BEND3: variants seen among roughly 807,000 people sequenced by gnomAD.
The protein encoded by BEND3 is BEN domain-containing protein 3.
A neutral mutation model predicts 60.1 loss-of-function variants in BEND3; 13 were observed. The observed-to-expected ratio is 0.22, with a 90% CI of 0.14 to 0.34. The LOEUF (loss-of-function observed/expected upper bound fraction) is 0.34. Ranked by LOEUF, BEND3 falls within the 10% of genes least tolerant of loss-of-function variation. BEND3 has a pLI of 1.00. For missense variants in BEND3, 896 were observed against 1,138.1 expected (o/e 0.79, Z 3.06); for synonymous variants, 497 against 491.5 (o/e 1.01, Z -0.15).
chr6:107,114,477 C>T (rs1326243217), intron 1 of BEND3: 3 of 151,656 alleles, frequency 2.0e-5, no homozygotes, highest in Admixed American at 6.6e-5. Context: ...GGCCTCGCTC[C>T]ATTTGCAGCC....
At chr6:107,112,420 T>G (rs893779700) in intron 1 of BEND3, among the ~76,000 whole-genome samples, 1 of 152,192 alleles carries the variant, frequency 6.6e-6, no homozygotes, top group Non-Finnish European at 1.5e-5. Context: ...AATAGATTGT[T>G]GGGATGCTGA....
chr6:107,115,213 G>C lies in BEND3; in HGVS notation c.-135C>G, dbSNP rs1414400346. 2.7e-5 allele frequency: 4 copies of C among 150,360 alleles called. No homozygotes were observed. The East Asian group carries it at 5.9e-4, about 22-fold the overall frequency. The allele number at this position is 150,360 out of a possible 1,614,324, so 9.3% of individuals were successfully genotyped here. A position where few individuals can be genotyped will look rare whatever the true frequency, so the allele number is the denominator to read the frequency against. ...GGAGGGCCTGGCCAGGGCGGCCCGG[G>C]GAGGCGCTGGGGGCGGCGGGCGGGC... is the stretch of plus-strand genomic sequence containing the variant. On this transcript the variant is annotated 5_prime_UTR_variant, in exon 1 of 4. Coordinates refer to ENST00000369042, the MANE Select transcript of BEND3 (RefSeq NM_001367314.1).
chr6:107,070,191 C>T lies in BEND3; in HGVS notation c.1000G>A (p.Asp334Asn), dbSNP rs373701775. Residue 334 changes from aspartate (D) to asparagine (N), a missense_variant, in exon 4 of 4, where the codon GAC becomes AAC. By Grantham distance (23) the Asp-to-Asn change is conservative. Coordinates refer to ENST00000369042, the MANE Select transcript of BEND3 (RefSeq NM_001367314.1). This position sits in a 1 kb window ranked among gnomAD's most constrained non-coding sequence, Gnocchi z 6.9. The stretch of plus-strand genomic sequence containing the variant: ...TGGGCCCAGAAGCGGCTGAAGAAGT[C>T]GTTCAGCTGGGGCAGGCACTCGGCC... ...WQAECLPQLN[D>N]FFSRFWAQRE... The T allele has an allele frequency of 1.2e-6, 2 of 1,612,678 alleles. No individual in the cohort carries two copies. Among genetic ancestry groups the T allele is most frequent in the African/African-American group, 1.3e-5 (1 of 74,940 alleles).
At chr6:107,113,896 C>T (rs557356611) in intron 1 of BEND3, 2 of 152,334 alleles carry the variant, frequency 1.3e-5, no homozygotes, top group African/African-American at 4.8e-5. Flanking sequence ...TTCCTGCAAC[C>T]GTAGCTTTCT....
intron 3 of BEND3, among the ~76,000 whole-genome samples, chr6:107,096,182 T>G (rs934796130): frequency 1.3e-4 from 20 of 152,170 alleles, no homozygotes; most frequent in Non-Finnish European, 2.8e-4. Flanking sequence ...TCTGTAAACC[T>G]AAAACTGCTC....
Position 107,069,589 on chromosome 6 carries a change from G to C in BEND3, c.1602C>G (p.Ile534Met), listed in dbSNP as rs369273225. 36 of 1,612,610 alleles carry C rather than the reference G, an allele frequency of 2.2e-5. No homozygotes were observed. The Admixed American group carries it at 5.2e-4, about 23-fold the overall frequency. ...GGGGGATCTCTAACTTGTCGAAGTC[G>C]ATGGGCACCAGCCAGATCTTCTTGG... ...RRSKKIWLVP[I>M]DFDKLEIPQP... is the part of the protein sequence containing the mutation. Residue 534 changes from isoleucine to methionine, a missense_variant, in exon 4 of 4, where the codon ATC becomes ATG. By Grantham distance (10) the Ile-to-Met change is conservative. Around this residue, in one of 4 missense-constraint regions of BEND3, gnomAD observed 846 missense variants for 1,036.7 expected, o/e 0.82. Coordinates refer to ENST00000369042, the MANE Select transcript of BEND3 (RefSeq NM_001367314.1).
chr6:107,069,902 T>G lies in BEND3; in HGVS notation c.1289A>C (p.Glu430Ala). 9 of 1,613,914 alleles carry G rather than the reference T, an allele frequency of 5.6e-6. No homozygotes were observed. Among genetic ancestry groups the G allele is most frequent in the Non-Finnish European group, 7.6e-6 (9 of 1,180,014 alleles). ...PELFDHRKLG[E>A]QYSCYGDGGK... is the part of the protein sequence containing the mutation. Reference sequence around the variant, plus strand: ...ACCGTCCCCGTAGCAGCTGTACTGTTCACCCAGCTTGCGGTGGTCGAAGAG... The same window carrying G: ...ACCGTCCCCGTAGCAGCTGTACTGTGCACCCAGCTTGCGGTGGTCGAAGAG... The change falls in exon 4 of 4, where the codon GAA (glutamate) becomes GCA (alanine). Residue 430 changes from glutamate (E) to alanine (A), a missense_variant. By Grantham distance (107) the Glu-to-Ala change is moderately radical (BLOSUM62 -1). This residue lies in a region of BEND3 where 846 missense variants were observed against 1,036.7 expected (regional missense o/e 0.82). Transcript: ENST00000369042.
chr6:107,099,199 C>T (rs371544817), intron 2 of BEND3, 50 bp downstream of exon 2: 2 of 1,448,812 alleles, frequency 1.4e-6, no homozygotes, highest in Non-Finnish European at 1.9e-6. Context: ...ATGACCTGAT[C>T]AAAAGTATTC....
At chr6:107,073,272 A>T (rs1230331814) in intron 3 of BEND3, among the ~76,000 whole-genome samples, 7 of 95,766 alleles carry the variant, frequency 7.3e-5, no homozygotes, top group Admixed American at 2.7e-4. Context: ...TATGTATGTG[A>T]GCAAATGGTC....
intron 1 of BEND3, among the ~76,000 whole-genome samples, chr6:107,102,164 T>C (rs1554236816): frequency 6.6e-6 from 1 of 151,384 alleles, no homozygotes; most frequent in East Asian, 1.9e-4. Context: ...GGGCCATGGG[T>C]GGTGAGAAGG....
chr6:107,084,659 T>A (rs1292197977), intron 3 of BEND3, among the ~76,000 whole-genome samples: 1 of 149,480 alleles, frequency 6.7e-6, no homozygotes, highest in Non-Finnish European at 1.5e-5. Flanking sequence ...CACGCACCAA[T>A]CAGCACTCTG....
intron 3 of BEND3, among the ~76,000 whole-genome samples, chr6:107,089,454 C>T (rs966728008): frequency 1.1e-4 from 17 of 151,124 alleles, no homozygotes; most frequent in Middle Eastern, 3.5e-3. Flanking sequence ...AGCATGGTGA[C>T]GGGCGCCTGT....
chr6:107,077,175 T>C lies in BEND3; in HGVS notation c.241-6225A>G, dbSNP rs79671596. Reference sequence around the variant, plus strand: ...CCTATTTTAAATGTGCTCACCATGTTGTCCAGGCTGGCCTCGAACTCTTGA... The same window carrying C: ...CCTATTTTAAATGTGCTCACCATGTCGTCCAGGCTGGCCTCGAACTCTTGA... On this transcript the variant is annotated intron_variant, in intron 3 of 3. Transcript: ENST00000369042. Among the ~76,000 whole-genome samples, 1,170 of 152,316 alleles carry C rather than the reference T, an allele frequency of 7.7e-3. 13 individuals are homozygous for C. Among genetic ancestry groups the C allele is most frequent in the African/African-American group, 0.027 (1,125 of 41,572 alleles).
intron 3 of BEND3, among the ~76,000 whole-genome samples, chr6:107,089,368 G>A (rs1554234807): frequency 2.0e-5 from 3 of 151,634 alleles, no homozygotes; most frequent in African/African-American, 4.8e-5. Flanking sequence ...GGATCACGAC[G>A]TCAGGAAATT....
At chr6:107,081,750 T>A (rs1245735575) in intron 3 of BEND3, among the ~76,000 whole-genome samples, 2 of 148,952 alleles carry the variant, frequency 1.3e-5, no homozygotes, top group East Asian at 3.9e-4. Context: ...CAAAACTTAC[T>A]CCCGGGAGAC....
chr6:107,086,484 G>A (rs782011756), intron 3 of BEND3, among the ~76,000 whole-genome samples: 4 of 151,388 alleles, frequency 2.6e-5, no homozygotes, highest in Admixed American at 1.3e-4. Context: ...GCATGGTGGC[G>A]TGCGCCTGTA....
intron 3 of BEND3, among the ~76,000 whole-genome samples, chr6:107,095,181 CAAT>C (rs1388112839): frequency 2.6e-5 from 4 of 151,936 alleles, no homozygotes; most frequent in Non-Finnish European, 5.9e-5. Context: ...CAAACAACAA[CAAT>C]AACATAAACA....
intron 1 of BEND3, among the ~76,000 whole-genome samples, chr6:107,108,028 A>T (rs915608688): frequency 6.6e-6 from 1 of 152,198 alleles, no homozygotes; most frequent in South Asian, 2.1e-4. Flanking sequence ...ATCCTGCCCA[A>T]GGGACTTGCA....
intron 1 of BEND3, 112 bp downstream of exon 1, chr6:107,114,978 T>TGCTCCC (rs1427334095): frequency 7.3e-6 from 1 of 136,842 alleles, no homozygotes; most frequent in Non-Finnish European, 1.6e-5. Flanking sequence ...TCCCCTCCCC[T>TGCTCCC]GCTCCCGCCC....
Sources: gnomAD v4.1 joint callset for allele counts (sites outside exome capture counted in the v4.1 genomes callset) on GRCh38, gnomAD v4.1.1 for gene constraint, gnomAD v4.1.1 regional missense constraint, Gnocchi (gnomAD v3.1) non-coding constraint, MANE v1.5 for transcripts, NCBI Gene and HGNC (gene_info 2026-07-23, HGNC 2026-07-21) for gene names.